ORC5: variants seen among roughly 807,000 people sequenced by gnomAD.
The protein encoded by ORC5 is origin recognition complex subunit 5, also known as protein phosphatase 1, regulatory subunit 117.
In ORC5, 39 loss-of-function variants were observed where a neutral mutation model predicts 58.8. That is an observed-to-expected ratio of 0.66 (90% CI 0.51 to 0.87). The LOEUF (loss-of-function observed/expected upper bound fraction) is 0.87, where lower values mean the gene tolerates loss of function less well. ORC5 is among the 40% of genes least tolerant of loss of function. The pLI is 0.00. For missense variants in ORC5, 493 were observed against 506.3 expected, an observed-to-expected ratio of 0.97 and a Z score of 0.25; for synonymous variants, 218 against 177.6, an observed-to-expected ratio of 1.23 and a Z score of -1.81.
chr7:104,183,860 CCT>C (rs1253220432), intron 8 of ORC5, 81 bp downstream of exon 8: 9 of 897,816 alleles, frequency 1.0e-5, no homozygotes, highest in South Asian at 5.0e-5. Context: ...TTTTAGAGTC[CCT>C]CTCTCTGTTA....
chr7:104,182,382 C>T (rs1799452769), intron 8 of ORC5, among the ~76,000 whole-genome samples: 1 of 152,118 alleles, frequency 6.6e-6, no homozygotes, highest in Non-Finnish European at 1.5e-5. Flanking sequence ...ACCATTTTCA[C>T]TTGATAGGAT....
At chr7:104,203,036 G>A (rs1177508349) in intron 2 of ORC5, among the ~76,000 whole-genome samples, 3 of 152,156 alleles carry the variant, frequency 2.0e-5, no homozygotes, top group Admixed American at 6.5e-5. Flanking sequence ...TAGAGGATCA[G>A]GAAAGACCTT....
chr7:104,193,236 TGA>T (rs1451088127), intron 5 of ORC5, among the ~76,000 whole-genome samples: 1 of 152,092 alleles, frequency 6.6e-6, no homozygotes, highest in African/African-American at 2.4e-5. Flanking sequence ...TAATAATAGT[TGA>T]GGTTTTATAA....
At chr7:104,134,675 GA>G (rs1798562367) in intron 13 of ORC5, among the ~76,000 whole-genome samples, 1 of 152,128 alleles carries the variant, frequency 6.6e-6, no homozygotes, top group Non-Finnish European at 1.5e-5. Context: ...TAGGGTTTGA[GA>G]AAATACATAG....
At chr7:104,156,707 T>C (rs1798930707) in intron 12 of ORC5, among the ~76,000 whole-genome samples, 1 of 151,824 alleles carries the variant, frequency 6.6e-6, no homozygotes, top group Admixed American at 6.6e-5. Context: ...AAATAATACA[T>C]GATCATCTCA....
chr7:104,200,974 A>G lies in ORC5; in HGVS notation c.166-16T>C, dbSNP rs2307406. On this transcript the variant is annotated splice_polypyrimidine_tract_variant and intron_variant, in intron 2 of 13. Coordinates refer to ENST00000297431, the MANE Select transcript of ORC5 (RefSeq NM_002553.4). ...CATGTGGGAGCTGAAAACGAAAACC[A>G]AAACACTGTAAGTAAAGAAGAAAAC... is the stretch of plus-strand genomic sequence containing the variant. 25,597 of 1,596,726 alleles carry G rather than the reference A, an allele frequency of 0.016. 238 individuals carry two copies. Among genetic ancestry groups the G allele is most frequent in the Non-Finnish European group, 0.019 (22,291 of 1,167,138 alleles).
intron 12 of ORC5, among the ~76,000 whole-genome samples, chr7:104,144,111 T>A (rs966717269): frequency 6.6e-6 from 1 of 151,906 alleles, no homozygotes; most frequent in Non-Finnish European, 1.5e-5. Flanking sequence ...AGAGCAAGAC[T>A]CTGTCTCAAA....
chr7:104,151,405 T>C (rs185793194), intron 12 of ORC5, among the ~76,000 whole-genome samples: 8 of 152,220 alleles, frequency 5.3e-5, no homozygotes, highest in South Asian at 4.2e-4. Flanking sequence ...TAAGAGACAT[T>C]TGTATTTAGG....
Position 104,168,522 on chromosome 7 carries a change from G to T in ORC5, c.828C>A (p.Ser276=), listed in dbSNP as rs765034627. 1.9e-6 allele frequency: 3 copies of T among 1,543,008 alleles called. No individual in the cohort carries two copies. The highest frequency in any genetic ancestry group is 1.7e-6 in the Non-Finnish European group (2 of 1,145,860). The change falls in exon 9 of 14, where the codon TCC becomes TCA. Residue 276 remains serine (S), a synonymous_variant. Coordinates refer to ENST00000297431, the MANE Select transcript of ORC5 (RefSeq NM_002553.4). The stretch of plus-strand genomic sequence containing the variant: ...CATCTTTCTGTAGCTTTTCCCACTG[G>T]GAACTGAAAAAAAATAGAAGAGCAA... ...QTVYLREISS[S]QWEKLQKDDT...
At chr7:104,154,765 T>G (rs554611147) in intron 12 of ORC5, among the ~76,000 whole-genome samples, 1 of 151,880 alleles carries the variant, frequency 6.6e-6, no homozygotes, top group African/African-American at 2.4e-5. Context: ...ATAAACGTTT[T>G]AGAATTAAAT....
chr7:104,164,305 T>G (rs896429670), intron 11 of ORC5, among the ~76,000 whole-genome samples: 1 of 152,048 alleles, frequency 6.6e-6, no homozygotes, highest in Non-Finnish European at 1.5e-5. Context: ...GTGCCTGTAG[T>G]CCCAGCTACT....
chr7:104,159,972 C>T (rs1223270484), intron 12 of ORC5, among the ~76,000 whole-genome samples: 2 of 152,028 alleles, frequency 1.3e-5, no homozygotes, highest in East Asian at 3.9e-4. Flanking sequence ...GGGAAAAATC[C>T]CTGTAACACA....
chr7:104,206,098 C>T (rs1188758315), intron 1 of ORC5, among the ~76,000 whole-genome samples: 2 of 152,164 alleles, frequency 1.3e-5, no homozygotes, highest in Non-Finnish European at 2.9e-5. Context: ...CCTAATAATA[C>T]CTTAAACATC....
chr7:104,140,068 C>G (rs1202857597), intron 12 of ORC5, among the ~76,000 whole-genome samples: 1 of 151,882 alleles, frequency 6.6e-6, no homozygotes, highest in Admixed American at 6.6e-5. Flanking sequence ...GTATTTTTTT[C>G]TAATCTTAAT....
In ORC5 at chr7:104,134,197, A is replaced by T. The variant is rs1255998106; in HGVS notation, c.1262+2584T>A. 2.0e-5 allele frequency among the ~76,000 whole-genome samples: 3 copies of T among 152,090 alleles called. No individual in the cohort carries two copies. In the South Asian group the frequency reaches 6.2e-4, roughly 32 times the overall value. On this transcript the variant is annotated intron_variant, in intron 13 of 13. Coordinates refer to ENST00000297431, the MANE Select transcript of ORC5 (RefSeq NM_002553.4). The stretch of plus-strand genomic sequence containing the variant: ...AGGCCTTTGGGAGGCCGATGCAGGC[A>T]GATCAACTTGAGGTCAGGAGTTCAA...
rs1430597445 is a variant in ORC5, at chr7:104,138,085, G to A, written c.1150-1192C>T. Among the ~76,000 whole-genome samples, 3 of 152,184 alleles carry A rather than the reference G, an allele frequency of 2.0e-5. No individual in the cohort carries two copies. Among genetic ancestry groups the A allele is most frequent in the Non-Finnish European group, 4.4e-5 (3 of 68,038 alleles). ...GCCCGTCTGCATGCTCCCATTAGAG[G>A]TTTGAGCAGCGGGACACTGAAGAAG... On this transcript the variant is annotated intron_variant, in intron 12 of 13. Transcript: ENST00000297431. The surrounding 1 kb of genome is among the most constrained non-coding windows in gnomAD (Gnocchi z 4.7).
intron 8 of ORC5, among the ~76,000 whole-genome samples, chr7:104,173,506 A>G (rs1799254951): frequency 6.6e-6 from 1 of 152,226 alleles, no homozygotes; most frequent in African/African-American, 2.4e-5. Context: ...GAACTGGTAT[A>G]TAGTACTCAC....
At chr7:104,141,599 C>T (rs1285139717) in intron 12 of ORC5, among the ~76,000 whole-genome samples, 1 of 152,020 alleles carries the variant, frequency 6.6e-6, no homozygotes, top group African/African-American at 2.4e-5. Flanking sequence ...TAAATGAGCA[C>T]CAAAAAGCTG....
rs1001058606 is a variant in ORC5, at chr7:104,136,001, T to C, written c.1262+780A>G. On this transcript the variant is annotated intron_variant, in intron 13 of 13. Transcript: ENST00000297431. This position sits in a 1 kb window ranked among gnomAD's most constrained non-coding sequence, Gnocchi z 4.2. ...TGATGAAGTCACTTATTCATATAAA[T>C]GGTTTGAACATTTTCCATAACACTA... Among the ~76,000 whole-genome samples, 2 of 152,174 alleles carry C rather than the reference T, an allele frequency of 1.3e-5. No homozygotes were observed. The highest frequency in any genetic ancestry group is 2.9e-5 in the Non-Finnish European group (2 of 68,022).
Sources: allele counts gnomAD v4.1 joint callset (sites outside exome capture counted in the v4.1 genomes callset), GRCh38; gene constraint gnomAD v4.1.1; non-coding constraint Gnocchi (gnomAD v3.1); transcripts MANE v1.5; gene names NCBI Gene and HGNC (gene_info 2026-07-23, HGNC 2026-07-21).